Variants in PATL1 observed in about 807,000 individuals in gnomAD.
The protein encoded by PATL1 is PAT1 homolog 1, processing body mRNA decay factor.
A neutral mutation model predicts 100.6 loss-of-function variants in PATL1; 32 were observed. The observed-to-expected ratio is 0.32, with a 90% CI of 0.24 to 0.43. The LOEUF (loss-of-function observed/expected upper bound fraction) is 0.43. Ranked by LOEUF, PATL1 falls within the 20% of genes least tolerant of loss-of-function variation. The pLI, the probability that PATL1 is intolerant of heterozygous loss-of-function variation, is 1.00. For synonymous variants in PATL1, 332 were observed against 330.0 expected (o/e 1.01, Z -0.07); for missense variants, 747 against 949.9 (o/e 0.79, Z 2.81).
chr11:59,664,862 CAAAT>C (rs1861666980), intron 2 of PATL1, among the ~76,000 whole-genome samples: 2 of 152,220 alleles, frequency 1.3e-5, no homozygotes, highest in South Asian at 2.1e-4. Context: ...TGAACCACCA[CAAAT>C]AGCTTATTGT....
At chr11:59,645,096 G>T (rs548365345) in intron 15 of PATL1, among the ~76,000 whole-genome samples, 1 of 141,222 alleles carries the variant, frequency 7.1e-6, no homozygotes, top group East Asian at 2.1e-4. Context: ...CAGGGTTGGG[G>T]GTAAGGTCAC....
Position 59,639,119 on chromosome 11 carries a change from A to G in PATL1, c.2220T>C (p.Pro740=), listed in dbSNP as rs367997244. ...GAGAAAAGAGGGACACTAGGTTTGT[A>G]GGTATAGAGATTGGCTTGGCCAGGG... ...QAALAKPISI[P]TNLVSLFSRY... is the part of the protein sequence containing the mutation. Residue 740 remains proline (P), a synonymous_variant, in exon 18 of 19, where the codon CCT becomes CCC. Coordinates refer to ENST00000300146, the MANE Select transcript of PATL1 (RefSeq NM_152716.3). 1.2e-6 allele frequency: 2 copies of G among 1,614,008 alleles called. No individual in the cohort carries two copies. Among genetic ancestry groups the G allele is most frequent in the Non-Finnish European group, 1.7e-6 (2 of 1,179,880 alleles).
At chr11:59,644,845 C>G (rs1861337050) in intron 15 of PATL1, among the ~76,000 whole-genome samples, 1 of 147,510 alleles carries the variant, frequency 6.8e-6, no homozygotes, top group Non-Finnish European at 1.5e-5. Flanking sequence ...TGCTTGAGCC[C>G]AGGAGCTCGA....
chr11:59,666,063 G>A (rs574507261), intron 2 of PATL1, among the ~76,000 whole-genome samples: 6 of 152,150 alleles, frequency 3.9e-5, no homozygotes, highest in East Asian at 1.9e-4. Context: ...CGAGATGGGC[G>A]GATCACGAGG....
intron 2 of PATL1, among the ~76,000 whole-genome samples, chr11:59,659,712 G>A (rs573092751): frequency 1.3e-5 from 2 of 152,040 alleles, no homozygotes; most frequent in East Asian, 1.9e-4. Flanking sequence ...GCTAATTTTT[G>A]TATTTTTAGT....
At chr11:59,667,869 T>C (rs1861712578) in intron 1 of PATL1, among the ~76,000 whole-genome samples, 1 of 152,248 alleles carries the variant, frequency 6.6e-6, no homozygotes, top group Non-Finnish European at 1.5e-5. Context: ...ATCATTCCTA[T>C]CAAGTATACC....
chr11:59,641,607 G>C (rs4939295), intron 16 of PATL1, among the ~76,000 whole-genome samples: 1 of 151,864 alleles, frequency 6.6e-6, no homozygotes, highest in Admixed American at 6.6e-5. Context: ...ACACAAATTA[G>C]TTGTGCGTGG....
chr11:59,652,323 T>C, intron 11 of PATL1, 141 bp downstream of exon 11: 1 of 1,243,162 alleles, frequency 8.0e-7, no homozygotes, highest in African/African-American at 1.5e-5. Context: ...ATTTTTGCAT[T>C]TATTAAGAAC....
At chr11:59,644,854 G>A (rs548502508) in intron 15 of PATL1, among the ~76,000 whole-genome samples, 213 of 145,890 alleles carry the variant, frequency 1.5e-3, no homozygotes, top group Non-Finnish European at 2.4e-3. Context: ...CCAGGAGCTC[G>A]AGACAAGCCT....
In PATL1 at chr11:59,658,881, T is replaced by G. The variant is rs1306618556; in HGVS notation, c.411A>C (p.Gly137=). 2 of 1,548,872 alleles carry G rather than the reference T, an allele frequency of 1.3e-6. No individual in the cohort carries two copies. Among genetic ancestry groups the G allele is most frequent in the Non-Finnish European group, 1.7e-6 (2 of 1,146,362 alleles). ...TATTTAATACCTGAGCAAGCAGTGG[T>G]CCTCGGATTCGCCTCAGAACTTCAG... The part of the protein sequence containing the change: ...DGSEVLRRIR[G]PLLAQEMPTV... Residue 137 remains glycine, a synonymous_variant, in exon 4 of 19, where the codon GGA becomes GGC. Transcript: ENST00000300146.
intron 5 of PATL1, chr11:59,657,029 C>A (rs1365982960): frequency 3.0e-5 from 28 of 938,572 alleles, no homozygotes; most frequent in Non-Finnish European, 3.6e-5. Context: ...TCCACCATTT[C>A]ATAGGATTTG....
Position 59,668,779 on chromosome 11 carries a change from C to T in PATL1, c.15+102G>A, listed in dbSNP as rs1422943366. ...GCTAAGTCCTGCGACTCCCCCAGCC[C>T]GCCCCCTGCCCCGCAGGAACACAGG... On this transcript the variant is annotated intron_variant, in intron 1 of 18. Coordinates refer to ENST00000300146, the MANE Select transcript of PATL1 (RefSeq NM_152716.3). 8.0e-6 allele frequency: 5 copies of T among 623,266 alleles called. No individual in the cohort carries two copies. In the East Asian group the frequency reaches 1.1e-4, roughly 14 times the overall value. The allele number at this position is 623,266 out of a possible 1,614,324, so 38.6% of individuals were successfully genotyped here.
rs1480906132 is a variant in PATL1 at position 59,638,346 on chromosome 11, C to T, written c.*44G>A. Reference sequence around the variant, plus strand: ...CACTCCATTGGTGATGGCAGCAGTGCAGGTGGCAGCCAAAAGGAGGTACAG... The same window carrying T: ...CACTCCATTGGTGATGGCAGCAGTGTAGGTGGCAGCCAAAAGGAGGTACAG... On this transcript the variant is annotated 3_prime_UTR_variant, in exon 19 of 19. Coordinates refer to ENST00000300146, the MANE Select transcript of PATL1 (RefSeq NM_152716.3). The T allele has an allele frequency of 1.3e-6, 2 of 1,589,962 alleles. No homozygotes were observed. The highest frequency in any genetic ancestry group is 2.2e-5 in the East Asian group (1 of 44,730).
At chr11:59,642,799 A>C in intron 16 of PATL1, 81 bp downstream of exon 16, 1 of 1,416,026 alleles carries the variant, frequency 7.1e-7, no homozygotes, top group African/African-American at 1.4e-5. Context: ...AAGTTGCTAG[A>C]GATACAGCAG....
At chr11:59,657,932 G>A (rs545212338) in intron 4 of PATL1, among the ~76,000 whole-genome samples, 1 of 152,196 alleles carries the variant, frequency 6.6e-6, no homozygotes, top group South Asian at 2.1e-4. Flanking sequence ...GGGAGGGTGA[G>A]GTGGGAGGAT....
intron 16 of PATL1, 49 bp downstream of exon 16, chr11:59,642,831 C>A: frequency 6.5e-7 from 1 of 1,544,290 alleles, no homozygotes; most frequent in South Asian, 1.2e-5. Context: ...ATCTATAACG[C>A]AAATTAAGAC....
intron 13 of PATL1, 140 bp from the exon 14 acceptor site, chr11:59,649,750 A>C: frequency 1.1e-6 from 1 of 875,564 alleles, no homozygotes. Context: ...TTAATGTAGA[A>C]AACCATATGA....
At chr11:59,661,124 C>T (rs181420861) in intron 2 of PATL1, among the ~76,000 whole-genome samples, 59 of 152,278 alleles carry the variant, frequency 3.9e-4, no homozygotes, top group African/African-American at 1.1e-3. Flanking sequence ...GTCTCACTGT[C>T]GTCCAGGTTG....
At chr11:59,643,565 C>T (rs1861316930) in intron 15 of PATL1, among the ~76,000 whole-genome samples, 1 of 151,850 alleles carries the variant, frequency 6.6e-6, no homozygotes, top group Non-Finnish European at 1.5e-5. Context: ...AAAAGTTTCA[C>T]CTGTAGTCCC....
Sources: gnomAD v4.1 joint callset for allele counts (sites outside exome capture counted in the v4.1 genomes callset) on GRCh38, gnomAD v4.1.1 for gene constraint, MANE v1.5 for transcripts, NCBI Gene and HGNC (gene_info 2026-07-23, HGNC 2026-07-21) for gene names.